Variants in ADCY5 observed in about 807,000 individuals in gnomAD.
ADCY5 encodes the protein adenylate cyclase type 5.
A neutral mutation model predicts 119.7 loss-of-function variants in ADCY5; 30 were observed. The observed-to-expected ratio is 0.25, with a 90% CI of 0.19 to 0.34. The LOEUF is 0.34. Among genes scored for constraint, ADCY5 ranks in the 10% least tolerant of loss-of-function variants. ADCY5 has a pLI of 1.00. For missense variants in ADCY5, 1,324 were observed against 1,775.2 expected (o/e 0.75, Z 4.57); for synonymous variants, 753 against 762.2 (o/e 0.99, Z 0.20).
intron 12 of ADCY5, among the ~76,000 whole-genome samples, chr3:123,309,717 G>A (rs543100157): frequency 2.0e-5 from 3 of 152,272 alleles, no homozygotes; most frequent in Non-Finnish European, 2.9e-5. Context: ...AATGAATGAC[G>A]TGTATGATGA....
chr3:123,447,218 G>A (rs1018438473), intron 1 of ADCY5, among the ~76,000 whole-genome samples, 194 bp downstream of exon 1: 3 of 152,296 alleles, frequency 2.0e-5, no homozygotes. Flanking sequence ...ACGACACAAG[G>A]GCACTCTTTT....
At chr3:123,417,177 G>T (rs973469570) in intron 1 of ADCY5, among the ~76,000 whole-genome samples, 15 of 151,966 alleles carry the variant, frequency 9.9e-5, no homozygotes, top group African/African-American at 1.4e-4. Context: ...CAGCAGATCT[G>T]TCTAGCTCAA....
chr3:123,340,524 G>A (rs1406220399), intron 3 of ADCY5, among the ~76,000 whole-genome samples: 3 of 152,096 alleles, frequency 2.0e-5, no homozygotes, highest in Non-Finnish European at 4.4e-5. Flanking sequence ...ACTGGTCAGC[G>A]CCTCTTTGCT....
At chr3:123,307,385 T>G (rs929313803) in intron 12 of ADCY5, among the ~76,000 whole-genome samples, 1 of 152,214 alleles carries the variant, frequency 6.6e-6, no homozygotes, top group Non-Finnish European at 1.5e-5. Context: ...CCAGAGTGGC[T>G]ATCAAGACTT....
intron 13 of ADCY5, among the ~76,000 whole-genome samples, 187 bp from the exon 14 acceptor site, chr3:123,303,406 G>T: frequency 6.6e-6 from 1 of 152,164 alleles, no homozygotes; most frequent in South Asian, 2.1e-4. Flanking sequence ...GGCTGGAGGG[G>T]GTGTGGCTAG....
chr3:123,355,615 C>A, intron 1 of ADCY5, among the ~76,000 whole-genome samples: 1 of 150,356 alleles, frequency 6.7e-6, no homozygotes, highest in Non-Finnish European at 1.5e-5. Flanking sequence ...CACCAGAAAC[C>A]ATGAAATACT....
intron 1 of ADCY5, among the ~76,000 whole-genome samples, chr3:123,436,763 A>G (rs1294787215): frequency 2.6e-5 from 4 of 152,224 alleles, no homozygotes; most frequent in African/African-American, 9.6e-5. Context: ...TTTAAATTTC[A>G]TATCATTCCT....
chr3:123,374,377 A>G (rs1943749442), intron 1 of ADCY5, among the ~76,000 whole-genome samples: 1 of 152,186 alleles, frequency 6.6e-6, no homozygotes, highest in Non-Finnish European at 1.5e-5. Context: ...AGGAGCCACT[A>G]CAAGCTGGTA....
chr3:123,344,416 A>G (rs1942432508), intron 3 of ADCY5, among the ~76,000 whole-genome samples: 1 of 152,178 alleles, frequency 6.6e-6, no homozygotes, highest in South Asian at 2.1e-4. Flanking sequence ...GCTCACAATT[A>G]CCGAACACTT....
At chr3:123,404,206 C>T (rs113786679) in intron 1 of ADCY5, 1 of 152,216 alleles carries the variant, frequency 6.6e-6, no homozygotes, top group African/African-American at 2.4e-5. Context: ...CACATTACCT[C>T]GAGGCTCTGG....
At chr3:123,400,760 T>C (rs1944726187) in intron 1 of ADCY5, among the ~76,000 whole-genome samples, 2 of 151,844 alleles carry the variant, frequency 1.3e-5, no homozygotes, top group Non-Finnish European at 2.9e-5. Context: ...GCCTGACCAA[T>C]ATGGTGAAAC....
intron 2 of ADCY5, among the ~76,000 whole-genome samples, chr3:123,351,196 C>T (rs1170275336): frequency 6.6e-6 from 1 of 151,996 alleles, no homozygotes; most frequent in Non-Finnish European, 1.5e-5. Context: ...GACTGGGGGG[C>T]CTGGAGAGGT....
At chr3:123,290,987 G>A (rs1939108948) in intron 18 of ADCY5, 126 bp downstream of exon 18, 4 of 1,286,504 alleles carry the variant, frequency 3.1e-6, no homozygotes, top group Non-Finnish European at 4.2e-6. Context: ...CGCCGGCAGA[G>A]CTCCCATCAT....
chr3:123,390,611 TAA>T (rs1320236373), intron 1 of ADCY5, among the ~76,000 whole-genome samples: 1 of 152,226 alleles, frequency 6.6e-6, no homozygotes, highest in African/African-American at 2.4e-5. Flanking sequence ...TTTGGGGGAT[TAA>T]AAGACACCAT....
chr3:123,306,659 C>A (rs1940215496), intron 12 of ADCY5, among the ~76,000 whole-genome samples: 1 of 152,200 alleles, frequency 6.6e-6, no homozygotes, highest in African/African-American at 2.4e-5. Flanking sequence ...TAAAATGGGG[C>A]AGCCACTGGG....
chr3:123,349,259 G>C lies in ADCY5; in HGVS notation c.1285-1356C>G, dbSNP rs756728089. Among the ~76,000 whole-genome samples, 36 of 152,170 alleles carry C rather than the reference G, an allele frequency of 2.4e-4. 1 individual carries two copies. Among genetic ancestry groups the C allele is most frequent in the Non-Finnish European group, 4.4e-5 (3 of 68,042 alleles). On this transcript the variant is annotated intron_variant, in intron 2 of 20. Transcript: ENST00000462833. ...GGGACAGCCCCATTCTGCTGCACCA[G>C]TGCCAACATCCTGCCCACGTAAGTG...
At chr3:123,291,518 C>T (rs1939149220) in intron 17 of ADCY5, 142 bp from the exon 18 acceptor site, 1 of 971,636 alleles carries the variant, frequency 1.0e-6, no homozygotes, top group Non-Finnish European at 1.5e-6. Context: ...GCAAGTACCG[C>T]TGTCTCTCCT....
At chr3:123,383,925 GCACA>G (rs59123635) in intron 1 of ADCY5, among the ~76,000 whole-genome samples, 28 of 148,286 alleles carry the variant, frequency 1.9e-4, no homozygotes, top group Non-Finnish European at 3.3e-4. Context: ...CTCAAGGCAT[GCACA>G]CACACACACA....
chr3:123,294,604 T>C (rs912125022), intron 17 of ADCY5, among the ~76,000 whole-genome samples: 5 of 152,024 alleles, frequency 3.3e-5, no homozygotes, highest in African/African-American at 9.7e-5. Context: ...GAGTAACAAG[T>C]TCTTTAAGAT....
Sources: allele counts gnomAD v4.1 joint callset (sites outside exome capture counted in the v4.1 genomes callset), GRCh38; gene constraint gnomAD v4.1.1; transcripts MANE v1.5; gene names NCBI Gene and HGNC (gene_info 2026-07-23, HGNC 2026-07-21).